The following LRRC2 variants were observed in gnomAD, a reference collection of about 807,000 sequenced individuals.
LRRC2 encodes the protein leucine-rich repeat-containing protein 2.
In LRRC2, 27 loss-of-function variants were observed where a neutral mutation model predicts 40.2. The observed-to-expected ratio is 0.67, with a 90% CI of 0.49 to 0.93. The LOEUF (loss-of-function observed/expected upper bound fraction) is 0.93. LRRC2 is among the 40% of genes least tolerant of loss of function. The probability of loss-of-function intolerance (pLI) is 0.00; values close to 1 mark genes in which losing one functional copy is unlikely to be tolerated. For missense variants in LRRC2, 402 were observed against 439.6 expected (o/e 0.91, Z 0.76); for synonymous variants, 147 against 158.9 (o/e 0.92, Z 0.56).
At chr3:46,539,259 G>A in intron 3 of LRRC2, 58 bp from the exon 4 acceptor site, 2 of 1,504,036 alleles carry the variant, frequency 1.3e-6, no homozygotes, top group Non-Finnish European at 1.8e-6. Flanking sequence ...ACAAAGCCGT[G>A]TAAAACCAAG....
intron 1 of LRRC2, among the ~76,000 whole-genome samples, chr3:46,556,576 C>CTTTTTTTTTTT (rs143635012): frequency 2.9e-5 from 3 of 104,768 alleles, no homozygotes; most frequent in African/African-American, 3.7e-5. Flanking sequence ...GTCATTATTT[C>CTTTTTTTTTTT]TTTTTTTTTT....
In LRRC2 at chr3:46,521,664, C is replaced by T. The variant is rs765476982; in HGVS notation, c.930-6G>A. The T allele has an allele frequency of 5.6e-6, 9 of 1,604,880 alleles. No homozygotes were observed. Among genetic ancestry groups the T allele is most frequent in the East Asian group, 4.5e-5 (2 of 44,806 alleles). ...TGTCCATAAGGCTTACAAATCTATT[C>T]GAGAAAGCATGGGAAGTATCACATT... On this transcript the variant is annotated splice_polypyrimidine_tract_variant and splice_region_variant and intron_variant, in intron 7 of 8. Coordinates refer to ENST00000395905, the MANE Select transcript of LRRC2 (RefSeq NM_024512.5).
chr3:46,525,031 G>C (rs1243345072), intron 7 of LRRC2, among the ~76,000 whole-genome samples: 1 of 150,738 alleles, frequency 6.6e-6, no homozygotes, highest in Admixed American at 6.6e-5. Flanking sequence ...TCATTGCCCA[G>C]CATTGCATCA....
At chr3:46,542,778 G>A (rs1186189066) in intron 3 of LRRC2, among the ~76,000 whole-genome samples, 5 of 152,114 alleles carry the variant, frequency 3.3e-5, no homozygotes, top group South Asian at 4.1e-4. Context: ...TCCCCTATAC[G>A]AGCAGGGTCC....
chr3:46,551,523 C>T lies in LRRC2; in HGVS notation c.69G>A (p.Lys23=), dbSNP rs780045438. ...IRALWETRVK[K]HKAWQKKEVE... ...CCTCCTTCTTCTGCCAAGCTTTGTGCTTCTTGACACGAGTTTCCCACAAGG... is the reference window on the plus strand; with the variant it reads ...CCTCCTTCTTCTGCCAAGCTTTGTGTTTCTTGACACGAGTTTCCCACAAGG... The change falls in exon 2 of 9, where the codon AAG becomes AAA. Residue 23 remains lysine (K), a synonymous_variant. Transcript: ENST00000395905. 1.3e-5 allele frequency: 21 copies of T among 1,614,026 alleles called. No homozygotes were observed. The Admixed American group carries it at 3.5e-4, about 27-fold the overall frequency.
chr3:46,534,423 CCTTTCTTTCTTT>C (rs754860415), intron 4 of LRRC2, among the ~76,000 whole-genome samples: 98 of 101,106 alleles, frequency 9.7e-4, no homozygotes, highest in African/African-American at 2.4e-3. Flanking sequence ...TTCCTTCCTT[CCTTTCTTTCTTT>C]CTTTCTTTCT....
intron 7 of LRRC2, among the ~76,000 whole-genome samples, chr3:46,526,551 G>C (rs1298368628): frequency 6.6e-6 from 1 of 152,198 alleles, no homozygotes; most frequent in East Asian, 1.9e-4. Context: ...CTTACACCCT[G>C]TTTATTTTGT....
Position 46,532,836 on chromosome 3 carries a change from A to G in LRRC2, c.564T>C (p.Asp188=), listed in dbSNP as rs759150841. The G allele has an allele frequency of 3.8e-5, 62 of 1,613,878 alleles. No individual in the cohort carries two copies. Among genetic ancestry groups the G allele is most frequent in the Non-Finnish European group, 4.7e-5 (56 of 1,179,920 alleles). Residue 188 remains aspartate, a synonymous_variant, in exon 5 of 9, where the codon GAT becomes GAC. Coordinates refer to ENST00000395905, the MANE Select transcript of LRRC2 (RefSeq NM_024512.5). ...AATCCAGTCTCTCTAGATTTTCACA[A>G]TCTCCCAATTCTGGAGGAATGCTCT... is the stretch of plus-strand genomic sequence containing the variant. ...YLKSIPPELG[D]CENLERLDCS... is the part of the protein sequence containing the mutation.
rs1430565888 is a variant in LRRC2 at position 46,521,773 on chromosome 3, C to T, written c.930-115G>A. On this transcript the variant is annotated intron_variant, in intron 7 of 8. Transcript: ENST00000395905. ...AGTTCTGGCTTACCTTTAAAAGTCA[C>T]ATTTGACCACATGATATCAGCATCA... 3 of 930,200 alleles carry T rather than the reference C, an allele frequency of 3.2e-6. No individual in the cohort carries two copies. In the South Asian group the frequency reaches 5.4e-5, roughly 17 times the overall value. 57.6% of individuals were successfully genotyped at this position (930,200 alleles called of 1,614,324 possible).
chr3:46,529,991 G>A lies in LRRC2; in HGVS notation c.687C>T (p.Val229=), dbSNP rs762266626. ...TCGACATCCGCAGGACACAGATTGG[G>A]ACACTGGAAAACTTGTTTGCTGAGA... ...VDISANKFSS[V]PICVLRMSNL... The change falls in exon 6 of 9, where the codon GTC becomes GTT. Residue 229 remains valine (V), a synonymous_variant. Coordinates refer to ENST00000395905, the MANE Select transcript of LRRC2 (RefSeq NM_024512.5). 3 of 1,614,060 alleles carry A rather than the reference G, an allele frequency of 1.9e-6. No homozygotes were observed. Among genetic ancestry groups the A allele is most frequent in the South Asian group, 1.1e-5 (1 of 91,084 alleles).
chr3:46,521,390 A>G (rs914503982), intron 8 of LRRC2, 132 bp downstream of exon 8: 3 of 650,480 alleles, frequency 4.6e-6, no homozygotes, highest in Non-Finnish European at 7.7e-6. Flanking sequence ...GGGTAAATGG[A>G]AAAATAATTT....
At chr3:46,525,203 C>T (rs1210113187) in intron 7 of LRRC2, among the ~76,000 whole-genome samples, 1 of 151,264 alleles carries the variant, frequency 6.6e-6, no homozygotes, top group Admixed American at 6.6e-5. Flanking sequence ...ACCCTTGCAC[C>T]TCAGCCACCC....
At chr3:46,548,566 G>C (rs1304738893) in intron 2 of LRRC2, among the ~76,000 whole-genome samples, 1 of 152,146 alleles carries the variant, frequency 6.6e-6, no homozygotes, top group Non-Finnish European at 1.5e-5. Flanking sequence ...AATGCCATTA[G>C]AGTTCTTCTA....
At position 46,530,034 on chromosome 3, in the gene LRRC2, T is replaced by G; in HGVS notation, c.644A>C (p.Gln215Pro). The change falls in exon 6 of 9, where the codon CAA (glutamine) becomes CCA (proline). Residue 215 changes from glutamine (Q) to proline (P), a missense_variant. Coordinates refer to ENST00000395905, the MANE Select transcript of LRRC2 (RefSeq NM_024512.5). ...ELPFELSNLK[Q>P]VTFVDISANK... is the part of the protein sequence containing the mutation. ...TGCTGAGATATCTACAAATGTAACT[T>G]GCTTCAAATTACTTAACTAGAAATG... 2 of 1,612,764 alleles carry G rather than the reference T, an allele frequency of 1.2e-6. No homozygotes were observed. The highest frequency in any genetic ancestry group is 1.7e-6 in the Non-Finnish European group (2 of 1,178,852).
chr3:46,526,725 G>A (rs555309110), intron 7 of LRRC2, among the ~76,000 whole-genome samples: 3 of 152,358 alleles, frequency 2.0e-5, no homozygotes, highest in African/African-American at 7.2e-5. Flanking sequence ...TCTCGCTAGT[G>A]GTTGCGTTAA....
intron 8 of LRRC2, among the ~76,000 whole-genome samples, chr3:46,519,712 A>G (rs1439371243): frequency 6.6e-6 from 1 of 152,226 alleles, no homozygotes; most frequent in Non-Finnish European, 1.5e-5. Context: ...TGTTCACTAA[A>G]GCTTGAGGAC....
intron 6 of LRRC2, among the ~76,000 whole-genome samples, chr3:46,528,868 T>C (rs1380453319): frequency 6.6e-6 from 1 of 152,036 alleles, no homozygotes. Flanking sequence ...TCCCAGCACT[T>C]TGGGAGGCTG....
chr3:46,529,854 G>A, intron 6 of LRRC2, 51 bp downstream of exon 6: 1 of 1,581,788 alleles, frequency 6.3e-7, no homozygotes, highest in Non-Finnish European at 8.7e-7. Flanking sequence ...AACAGTGTTT[G>A]AAGCGTTAGT....
At chr3:46,543,648 A>C (rs987647510) in intron 3 of LRRC2, among the ~76,000 whole-genome samples, 7 of 95,478 alleles carry the variant, frequency 7.3e-5, no homozygotes, top group Non-Finnish European at 1.3e-4. Context: ...AATAATAATA[A>C]TAAATAATAA....
Sources: allele counts gnomAD v4.1 joint callset (sites outside exome capture counted in the v4.1 genomes callset), GRCh38; gene constraint gnomAD v4.1.1; transcripts MANE v1.5; gene names NCBI Gene and HGNC (gene_info 2026-07-23, HGNC 2026-07-21).